The following CPVL variants were observed in gnomAD, a reference collection of about 807,000 sequenced individuals.
CPVL encodes the protein carboxypeptidase vitellogenic like, also known as probable serine carboxypeptidase CPVL.
In CPVL, 51 loss-of-function variants were observed where a neutral mutation model predicts 63.7. The ratio of observed to expected loss-of-function variants is 0.80; its 90% CI spans 0.64 to 1.01. CPVL has a LOEUF of 1.01. Among genes scored for constraint, CPVL ranks in the 50% least tolerant of loss-of-function variants. CPVL has a pLI of 0.00. For synonymous variants in CPVL, 195 were observed against 206.0 expected (o/e 0.95, Z 0.46); for missense variants, 530 against 573.1 (o/e 0.92, Z 0.77).
intron 1 of CPVL, among the ~76,000 whole-genome samples, chr7:29,142,949 A>G (rs888024009): frequency 1.3e-5 from 2 of 152,102 alleles, no homozygotes; most frequent in African/African-American, 4.8e-5. Context: ...TTCTATCCAC[A>G]GTTCAACCCT....
At chr7:29,184,373 G>C (rs1327791873) in intron 4 of CPVL, 3 of 151,882 alleles carry the variant, frequency 2.0e-5, no homozygotes, top group Admixed American at 2.0e-4. Flanking sequence ...ATATATGACT[G>C]TATGAGATAT....
intron 11 of CPVL, among the ~76,000 whole-genome samples, chr7:29,043,653 G>A (rs1789341178): frequency 6.6e-6 from 1 of 152,148 alleles, no homozygotes; most frequent in South Asian, 2.1e-4. Context: ...CTGCTGCGTT[G>A]ATCATTACCC....
At chr7:29,005,724 C>G (rs919385650) in intron 12 of CPVL, among the ~76,000 whole-genome samples, 1 of 152,142 alleles carries the variant, frequency 6.6e-6, no homozygotes, top group Non-Finnish European at 1.5e-5. Context: ...TGTCTTTTTC[C>G]CCTTTTAGGA....
At chr7:29,037,552 C>CAAAAAAAAAAAAA (rs35631871) in intron 11 of CPVL, among the ~76,000 whole-genome samples, 1 of 56,368 alleles carries the variant, frequency 1.8e-5, no homozygotes, top group African/African-American at 8.2e-5. Context: ...GACTCCATCT[C>CAAAAAAAAAAAAA]AAAAAAAAAA....
chr7:29,118,058 T>C (rs1463070403), intron 2 of CPVL, among the ~76,000 whole-genome samples: 1 of 152,220 alleles, frequency 6.6e-6, no homozygotes, highest in Non-Finnish European at 1.5e-5. Flanking sequence ...TTGTTTTGTG[T>C]GTATGCATCT....
chr7:29,175,739 G>A (rs1216735619), intron 5 of CPVL, among the ~76,000 whole-genome samples: 8 of 151,862 alleles, frequency 5.3e-5, no homozygotes, highest in East Asian at 3.9e-4. Context: ...TTACCCAAGC[G>A]GAGCACAGGG....
At chr7:29,002,250 C>T (rs1562717122) in intron 12 of CPVL, among the ~76,000 whole-genome samples, 1 of 152,150 alleles carries the variant, frequency 6.6e-6, no homozygotes, top group Non-Finnish European at 1.5e-5. Flanking sequence ...CAAGGAGGGA[C>T]AGCACTGGTA....
intron 1 of CPVL, among the ~76,000 whole-genome samples, chr7:29,189,035 C>T (rs950095670): frequency 6.6e-6 from 1 of 150,560 alleles, no homozygotes; most frequent in Non-Finnish European, 1.5e-5. Context: ...ACTGCAACCT[C>T]TGCCTCCTGG....
intron 7 of CPVL, among the ~76,000 whole-genome samples, chr7:29,076,875 G>A (rs1193251563): frequency 2.0e-5 from 3 of 152,188 alleles, no homozygotes; most frequent in African/African-American, 7.2e-5. Context: ...CTGAATAGTA[G>A]TTTTGAATCT....
intron 11 of CPVL, among the ~76,000 whole-genome samples, chr7:29,034,256 C>T (rs562009957): frequency 4.3e-4 from 65 of 152,192 alleles, no homozygotes; most frequent in African/African-American, 1.5e-3. Flanking sequence ...AGGTGCATGC[C>T]ACTACACCCA....
chr7:29,187,073 T>C (rs979448184), intron 1 of CPVL, among the ~76,000 whole-genome samples: 1 of 152,128 alleles, frequency 6.6e-6, no homozygotes, highest in Non-Finnish European at 1.5e-5. Context: ...TAGGAAATGA[T>C]TACTTAAGGA....
chr7:29,182,101 A>C (rs891338140), intron 4 of CPVL, among the ~76,000 whole-genome samples: 25 of 152,224 alleles, frequency 1.6e-4, no homozygotes, highest in African/African-American at 5.3e-4. Flanking sequence ...TTCCTTTTGC[A>C]AAATGAGAAC....
At chr7:29,022,463 C>T (rs552823222) in intron 12 of CPVL, among the ~76,000 whole-genome samples, 1 of 152,300 alleles carries the variant, frequency 6.6e-6, no homozygotes, top group East Asian at 1.9e-4. Flanking sequence ...CAACCACACA[C>T]ACTGCCACAC....
chr7:29,195,034 C>T (rs1366939243), intron 1 of CPVL: 1 of 1,565,464 alleles, frequency 6.4e-7, no homozygotes, highest in Non-Finnish European at 8.7e-7. Flanking sequence ...CCGGGTCTCG[C>T]CCCACTGCCC....
At chr7:29,150,529 T>A (rs1793444405), upstream of CPVL, among the ~76,000 whole-genome samples, 1 of 152,142 alleles carries the variant, frequency 6.6e-6, no homozygotes, top group African/African-American at 2.4e-5. Flanking sequence ...CTCCTTAAAT[T>A]CCAGTTAAGA....
intron 9 of CPVL, among the ~76,000 whole-genome samples, chr7:29,069,717 C>T (rs1205083066): frequency 4.6e-5 from 7 of 151,620 alleles, no homozygotes; most frequent in African/African-American, 1.5e-4. Context: ...GTGTATCCTT[C>T]GGCAATTCAT....
chr7:29,052,638 G>A (rs1427717941), intron 11 of CPVL, among the ~76,000 whole-genome samples: 8 of 152,144 alleles, frequency 5.3e-5, no homozygotes, highest in African/African-American at 1.2e-4. Context: ...GGCTGGGCAC[G>A]GTGGCTCACG....
chr7:29,126,745 T>C (rs1001493908), intron 1 of CPVL: 1 of 152,252 alleles, frequency 6.6e-6, no homozygotes, highest in Non-Finnish European at 1.5e-5. Context: ...TAGCTGCAAT[T>C]AAAATAGTTA....
intron 1 of CPVL, among the ~76,000 whole-genome samples, chr7:29,189,450 C>G (rs1799127922): frequency 6.6e-6 from 1 of 152,078 alleles, no homozygotes; most frequent in Non-Finnish European, 1.5e-5. Flanking sequence ...GCAGAAGACA[C>G]GAAAAACAAA....
Sources: allele counts gnomAD v4.1 joint callset (sites outside exome capture counted in the v4.1 genomes callset), GRCh38; gene constraint gnomAD v4.1.1; transcripts MANE v1.5; gene names NCBI Gene and HGNC (gene_info 2026-07-23, HGNC 2026-07-21).